Variants in CTNNA3 observed in about 807,000 individuals in gnomAD.
CTNNA3 encodes the protein catenin alpha 3, also known as catenin alpha-3.
Under a neutral mutation model 95.7 loss-of-function variants are expected in CTNNA3, and 76 were observed. That is an observed-to-expected ratio of 0.79 (90% CI 0.66 to 0.96). The LOEUF is 0.96. Ranked by LOEUF, CTNNA3 falls within the 40% of genes least tolerant of loss-of-function variation. CTNNA3 has a pLI of 0.00. For missense variants in CTNNA3, 1,191 were observed against 1,089.8 expected (o/e 1.09, Z -1.31); for synonymous variants, 431 against 374.4 (o/e 1.15, Z -1.74).
At chr10:66,023,679 G>A (rs10509258) in intron 15 of CTNNA3, among the ~76,000 whole-genome samples, 104,330 of 152,066 alleles carry the variant, frequency 0.69, 35,958 homozygotes, top group South Asian at 0.76. Context: ...CTCCCTAGAC[G>A]TATTGTGAAA....
At chr10:66,156,431 G>C (rs899913021) in intron 13 of CTNNA3, among the ~76,000 whole-genome samples, 1 of 151,872 alleles carries the variant, frequency 6.6e-6, no homozygotes, top group Non-Finnish European at 1.5e-5. Context: ...TAAATTCACA[G>C]GTGAATATAC....
chr10:67,576,141 AAGC>A lies in CTNNA3; in HGVS notation c.292+30713_292+30715del, dbSNP rs528378641. On this transcript the variant is annotated intron_variant, in intron 3 of 17. Transcript: ENST00000433211. The stretch of plus-strand genomic sequence containing the variant: ...AATCAGGGAGCAACCTTAAGTTCTT[AAGC>A]AGCCAAGTGTTATTATACATAGACT... Among the ~76,000 whole-genome samples, 292 of 152,308 alleles carry A rather than the reference AAGC, an allele frequency of 1.9e-3. 1 individual carries two copies. Among genetic ancestry groups the A allele is most frequent in the Middle Eastern group, 3.4e-3 (1 of 294 alleles).
At chr10:66,362,571 G>A (rs999749620) in intron 12 of CTNNA3, among the ~76,000 whole-genome samples, 3 of 151,826 alleles carry the variant, frequency 2.0e-5, no homozygotes, top group Non-Finnish European at 4.4e-5. Flanking sequence ...AAATTAGCCG[G>A]GTGTGGTGGT....
At chr10:67,691,103 G>A (rs973378712) in intron 1 of CTNNA3, among the ~76,000 whole-genome samples, 17 of 152,310 alleles carry the variant, frequency 1.1e-4, no homozygotes, top group East Asian at 1.9e-4. Flanking sequence ...TGTGTCGGCC[G>A]GGCTGGTCTC....
chr10:66,606,628 T>C (rs61867497), intron 10 of CTNNA3, among the ~76,000 whole-genome samples: 39,493 of 151,868 alleles, frequency 0.26, 5,701 homozygotes, highest in Middle Eastern at 0.43. Context: ...CAAAACCATA[T>C]AATCCATGGA....
chr10:66,216,891 C>A (rs1168714724), intron 13 of CTNNA3, among the ~76,000 whole-genome samples: 1 of 152,040 alleles, frequency 6.6e-6, no homozygotes, highest in African/African-American at 2.4e-5. Context: ...TGTATAGATT[C>A]TTGTAACTAC....
chr10:65,952,029 CA>C lies in CTNNA3; in HGVS notation c.2400+14582del, dbSNP rs55842958. ...CGGGCGACAGAGCGAGGCTCCGCCTCAAAAAAAAAAAAAAAAAAAATCCCTC... is the reference window on the plus strand; with the variant it reads ...CGGGCGACAGAGCGAGGCTCCGCCTCAAAAAAAAAAAAAAAAAAATCCCTC... On this transcript the variant is annotated intron_variant, in intron 17 of 17. Coordinates refer to ENST00000433211, the MANE Select transcript of CTNNA3 (RefSeq NM_013266.4). Among the ~76,000 whole-genome samples the C allele has an allele frequency of 9.9e-3, 983 of 99,694 alleles. 8 individuals carry two copies. The highest frequency in any genetic ancestry group is 0.028 in the African/African-American group (739 of 25,940). The allele number at this position is 99,694 out of a possible 152,430, so 65.4% of individuals were successfully genotyped here.
At chr10:67,618,310 C>A (rs758353728) in intron 2 of CTNNA3, among the ~76,000 whole-genome samples, 1 of 152,144 alleles carries the variant, frequency 6.6e-6, no homozygotes, top group Non-Finnish European at 1.5e-5. Flanking sequence ...TCCCTTGGTC[C>A]GTCCAGCCCC....
At chr10:66,213,372 A>C (rs963880251) in intron 13 of CTNNA3, among the ~76,000 whole-genome samples, 6 of 152,194 alleles carry the variant, frequency 3.9e-5, no homozygotes, top group Admixed American at 6.5e-5. Flanking sequence ...TTATAGATTT[A>C]AATATTTTAA....
chr10:66,905,630 T>C (rs1845956680), intron 7 of CTNNA3, among the ~76,000 whole-genome samples: 1 of 152,152 alleles, frequency 6.6e-6, no homozygotes, highest in African/African-American at 2.4e-5. Flanking sequence ...CCATTGATCA[T>C]GACTAGATAA....
At chr10:65,971,841 T>C (rs1048271074) in intron 16 of CTNNA3, among the ~76,000 whole-genome samples, 1 of 152,024 alleles carries the variant, frequency 6.6e-6, no homozygotes, top group Admixed American at 6.6e-5. Context: ...TAGGAAAACC[T>C]GGTAAAGATA....
intron 10 of CTNNA3, among the ~76,000 whole-genome samples, chr10:66,528,447 T>C (rs565644771): frequency 6.6e-6 from 1 of 152,310 alleles, no homozygotes; most frequent in Non-Finnish European, 1.5e-5. Flanking sequence ...TCTCAAGATT[T>C]TCTTTGTGTC....
chr10:66,381,721 C>A (rs2092840171), intron 11 of CTNNA3, among the ~76,000 whole-genome samples: 1 of 152,058 alleles, frequency 6.6e-6, no homozygotes, highest in Non-Finnish European at 1.5e-5. Flanking sequence ...ACACTGAAAA[C>A]CTTCATTATA....
At chr10:67,644,022 G>A (rs555042773) in intron 2 of CTNNA3, among the ~76,000 whole-genome samples, 6 of 152,286 alleles carry the variant, frequency 3.9e-5, no homozygotes, top group African/African-American at 1.2e-4. Flanking sequence ...ATAGTAGAAT[G>A]ATTTATAATC....
At chr10:67,228,430 T>C (rs1225601640) in intron 5 of CTNNA3, among the ~76,000 whole-genome samples, 1 of 151,982 alleles carries the variant, frequency 6.6e-6, no homozygotes, top group Non-Finnish European at 1.5e-5. Flanking sequence ...TTGGCCAACA[T>C]GGTAAAACCC....
intron 7 of CTNNA3, among the ~76,000 whole-genome samples, chr10:67,066,535 C>CAAA (rs57093251): frequency 7.5e-5 from 6 of 80,140 alleles, no homozygotes; most frequent in African/African-American, 1.8e-4. Flanking sequence ...CAGTTCTTGA[C>CAAA]AAAAAAAAAA....
At chr10:66,303,559 G>T (rs2091892850) in intron 12 of CTNNA3, among the ~76,000 whole-genome samples, 2 of 152,038 alleles carry the variant, frequency 1.3e-5, no homozygotes. Context: ...TTAGGCATAT[G>T]AAGTGAATAA....
intron 6 of CTNNA3, among the ~76,000 whole-genome samples, chr10:67,205,180 G>A (rs761423392): frequency 5.3e-5 from 8 of 152,162 alleles, no homozygotes; most frequent in Non-Finnish European, 8.8e-5. Context: ...GCTTGGCCCT[G>A]GCCCAGAATA....
At position 66,766,183 on chromosome 10, in the gene CTNNA3, T is replaced by G. The variant is rs1839843370; in HGVS notation, c.1281+81A>C. The G allele has an allele frequency of 2.1e-6, 3 of 1,438,106 alleles. No individual in the cohort carries two copies. The Admixed American group carries it at 5.7e-5, about 27-fold the overall frequency. 89.1% of individuals were successfully genotyped at this position (1,438,106 alleles called of 1,614,324 possible). A position where few individuals can be genotyped will look rare whatever the true frequency, so the allele number is the denominator to read the frequency against. On this transcript the variant is annotated intron_variant, in intron 9 of 17. Transcript: ENST00000433211. ...GTAACACGGTGTCAAAAGTTTTTAT[T>G]TAGGTACAATTCAACCATAAATGGA...
Sources: gnomAD v4.1 joint callset for allele counts (sites outside exome capture counted in the v4.1 genomes callset) on GRCh38, gnomAD v4.1.1 for gene constraint, MANE v1.5 for transcripts, NCBI Gene and HGNC (gene_info 2026-07-23, HGNC 2026-07-21) for gene names.